Variants in SUMF1 observed in about 807,000 individuals in gnomAD.
The protein encoded by SUMF1 is formylglycine-generating enzyme.
In SUMF1, 48 loss-of-function variants were observed where a neutral mutation model predicts 47.6. That is an observed-to-expected ratio of 1.01 (90% CI 0.80 to 1.28). The LOEUF (loss-of-function observed/expected upper bound fraction) is 1.28. Ranked by LOEUF, SUMF1 falls within the 50% of genes most tolerant of loss-of-function variation. The probability of loss-of-function intolerance (pLI) is 0.00; values close to 1 mark genes in which losing one functional copy is unlikely to be tolerated. For synonymous variants in SUMF1, 230 were observed against 192.1 expected, an observed-to-expected ratio of 1.20 and a Z score of -1.63; for missense variants, 571 against 485.4, an observed-to-expected ratio of 1.18 and a Z score of -1.66.
chr3:4,206,303 T>A (rs1695651762), intron 8 of SUMF1, among the ~76,000 whole-genome samples: 1 of 151,946 alleles, frequency 6.6e-6, no homozygotes, highest in Non-Finnish European at 1.5e-5. Flanking sequence ...GTCCACTGGT[T>A]CCAAGCCCAG....
chr3:4,301,665 T>A (rs1444800913), intron 8 of SUMF1, among the ~76,000 whole-genome samples: 1 of 152,144 alleles, frequency 6.6e-6, no homozygotes, highest in Non-Finnish European at 1.5e-5. Flanking sequence ...GAATACAGAG[T>A]AACTGGTTTG....
At chr3:4,383,106 C>T (rs1185408287) in intron 7 of SUMF1, among the ~76,000 whole-genome samples, 1 of 152,032 alleles carries the variant, frequency 6.6e-6, no homozygotes, top group Non-Finnish European at 1.5e-5. Context: ...GGGCCGGGCG[C>T]AGTGGCTCAT....
chr3:4,223,372 T>C (rs189010827), intron 8 of SUMF1, among the ~76,000 whole-genome samples: 29 of 152,254 alleles, frequency 1.9e-4, no homozygotes, highest in African/African-American at 7.0e-4. Context: ...CAGTGGAGGA[T>C]GGAGATAATG....
At chr3:4,465,996 A>C (rs1002036499) in intron 1 of SUMF1, among the ~76,000 whole-genome samples, 1 of 152,254 alleles carries the variant, frequency 6.6e-6, no homozygotes, top group African/African-American at 2.4e-5. Flanking sequence ...TAAGTAAACA[A>C]GAAGGAGCAC....
At chr3:4,289,938 G>A (rs985838484) in intron 8 of SUMF1, among the ~76,000 whole-genome samples, 5 of 152,240 alleles carry the variant, frequency 3.3e-5, no homozygotes, top group Admixed American at 2.6e-4. Context: ...ATTTCAAAAC[G>A]TCTTCCATAA....
intron 8 of SUMF1, among the ~76,000 whole-genome samples, chr3:4,077,136 C>T (rs911605376): frequency 1.3e-5 from 2 of 152,080 alleles, no homozygotes; most frequent in African/African-American, 2.4e-5. Context: ...GAATGGTGAT[C>T]GTTAAAAAGT....
intron 9 of SUMF1, among the ~76,000 whole-genome samples, chr3:4,045,002 C>T (rs1299369151): frequency 6.6e-6 from 1 of 152,170 alleles, no homozygotes; most frequent in African/African-American, 2.4e-5. Context: ...GCTTCTATTT[C>T]CTTACCTATA....
intron 9 of SUMF1, among the ~76,000 whole-genome samples, chr3:4,047,874 C>T (rs1299149831): frequency 6.6e-6 from 1 of 152,108 alleles, no homozygotes; most frequent in African/African-American, 2.4e-5. Flanking sequence ...GGAGCATCTC[C>T]TCAGTTACCA....
intron 8 of SUMF1, among the ~76,000 whole-genome samples, chr3:4,147,775 T>C (rs1327484038): frequency 2.0e-5 from 3 of 152,128 alleles, no homozygotes; most frequent in African/African-American, 7.2e-5. Flanking sequence ...TCTTTTCCTG[T>C]ATACCTAACC....
chr3:4,389,214 T>G (rs1337122938), intron 7 of SUMF1, among the ~76,000 whole-genome samples: 1 of 152,176 alleles, frequency 6.6e-6, no homozygotes, highest in South Asian at 2.1e-4. Flanking sequence ...TCCAAAAAGA[T>G]ACTTCACTGG....
intron 7 of SUMF1, among the ~76,000 whole-genome samples, chr3:4,392,357 T>C (rs543597179): frequency 1.8e-4 from 27 of 152,196 alleles, no homozygotes; most frequent in African/African-American, 6.5e-4. Context: ...GTTCTTTAAA[T>C]ATAATCATAA....
rs146969851 is a variant in SUMF1 at position 4,285,972 on chromosome 3, A to T, written c.1014+90358T>A. Among the ~76,000 whole-genome samples the T allele has an allele frequency of 2.4e-3, 372 of 152,286 alleles. 3 individuals carry two copies. The highest frequency in any genetic ancestry group is 8.4e-3 in the African/African-American group (348 of 41,582). ...TAAATCCTAACTAGGTCCCCCACCA[A>T]GCAAGAAATTAGAAATACTTGCAGA... is the stretch of plus-strand genomic sequence containing the variant. On this transcript the variant is annotated intron_variant and NMD_transcript_variant, in intron 8 of 12. Coordinates refer to the SUMF1 transcript ENST00000448413.
chr3:4,251,028 T>C (rs893971827), intron 8 of SUMF1, among the ~76,000 whole-genome samples: 2 of 152,196 alleles, frequency 1.3e-5, no homozygotes, highest in African/African-American at 4.8e-5. Context: ...CATAAGGCTA[T>C]AGCTGCCATA....
intron 8 of SUMF1, among the ~76,000 whole-genome samples, chr3:4,338,849 G>A (rs967895699): frequency 1.3e-5 from 2 of 152,038 alleles, no homozygotes; most frequent in African/African-American, 2.4e-5. Context: ...TTTAGTGTGT[G>A]TGTGCAAATT....
intron 8 of SUMF1, among the ~76,000 whole-genome samples, chr3:4,205,461 G>C (rs1017175804): frequency 6.6e-6 from 1 of 152,142 alleles, no homozygotes; most frequent in African/African-American, 2.4e-5. Flanking sequence ...TTTTCTGGAT[G>C]GTCTTGGTGC....
At chr3:4,368,988 A>C (rs565331528) in intron 8 of SUMF1, among the ~76,000 whole-genome samples, 21 of 152,318 alleles carry the variant, frequency 1.4e-4, no homozygotes, top group East Asian at 1.9e-4. Context: ...GAATAACTTT[A>C]GAATCTGTGC....
At chr3:4,175,806 A>C (rs1694947143) in intron 8 of SUMF1, among the ~76,000 whole-genome samples, 2 of 152,138 alleles carry the variant, frequency 1.3e-5, no homozygotes, top group South Asian at 4.1e-4. Flanking sequence ...CATTAGACAA[A>C]TGGCTAACTA....
chr3:4,460,151 G>A (rs533940334), intron 1 of SUMF1, among the ~76,000 whole-genome samples: 10 of 152,282 alleles, frequency 6.6e-5, no homozygotes, highest in African/African-American at 1.9e-4. Flanking sequence ...TGTCATTAGC[G>A]TGAAAGTAGG....
At chr3:4,102,309 G>A (rs1693054587) in intron 8 of SUMF1, among the ~76,000 whole-genome samples, 1 of 152,144 alleles carries the variant, frequency 6.6e-6, no homozygotes, top group Admixed American at 6.5e-5. Flanking sequence ...ATTAGAAGAT[G>A]TTTTCTCTGG....
Sources: gnomAD v4.1 joint callset for allele counts (sites outside exome capture counted in the v4.1 genomes callset) on GRCh38, gnomAD v4.1.1 for gene constraint, MANE v1.5 for transcripts, NCBI Gene and HGNC (gene_info 2026-07-23, HGNC 2026-07-21) for gene names.